PEX14: variants seen among roughly 807,000 people sequenced by gnomAD.
PEX14 encodes the protein peroxisomal membrane protein PEX14.
Under a neutral mutation model 49.5 loss-of-function variants are expected in PEX14, and 15 were observed. The observed-to-expected ratio is 0.30, with a 90% CI of 0.20 to 0.47. PEX14 has a LOEUF of 0.47. Among genes scored for constraint, PEX14 ranks in the 20% least tolerant of loss-of-function variants. The pLI is 1.00. For missense variants in PEX14, 398 were observed against 494.8 expected (o/e 0.80, Z 1.86); for synonymous variants, 210 against 212.7 (o/e 0.99, Z 0.11).
At chr1:10,602,012 T>C (rs1640998525) in intron 4 of PEX14, among the ~76,000 whole-genome samples, 1 of 152,156 alleles carries the variant, frequency 6.6e-6, no homozygotes, top group South Asian at 2.1e-4. Flanking sequence ...GATCACAGAG[T>C]TGGCCTAAAA....
chr1:10,617,425 G>A (rs906351458), intron 4 of PEX14, among the ~76,000 whole-genome samples: 9 of 152,042 alleles, frequency 5.9e-5, no homozygotes, highest in Non-Finnish European at 1.3e-4. Flanking sequence ...AAGAATATTC[G>A]GCTTCCTTGA....
chr1:10,495,193 T>C lies in PEX14; in HGVS notation c.37-81T>C, dbSNP rs140689401. On this transcript the variant is annotated intron_variant, in intron 1 of 8. Coordinates refer to ENST00000356607, the MANE Select transcript of PEX14 (RefSeq NM_004565.3). This position sits in a 1 kb window ranked among gnomAD's most constrained non-coding sequence, Gnocchi z 4.2. ...AGAAAGAGGTGCCAGCGTGCATCGT[T>C]TGAGAACGGAACATCTTTGGTTTTT... 137 of 1,580,878 alleles carry C rather than the reference T, an allele frequency of 8.7e-5. No homozygotes were observed. The East Asian group carries it at 3.0e-3, about 34-fold the overall frequency.
intron 3 of PEX14, among the ~76,000 whole-genome samples, chr1:10,557,274 T>C (rs931304174): frequency 5.3e-5 from 8 of 152,252 alleles, no homozygotes; most frequent in Non-Finnish European, 1.0e-4. Flanking sequence ...CTTTTGTGAT[T>C]ACCTTTGTGG....
At chr1:10,625,189 G>C (rs939989104) in intron 7 of PEX14, among the ~76,000 whole-genome samples, 7 of 152,202 alleles carry the variant, frequency 4.6e-5, no homozygotes, top group African/African-American at 1.7e-4. Flanking sequence ...CAGCTCGCAG[G>C]ATTGCAGGCC....
intron 3 of PEX14, among the ~76,000 whole-genome samples, chr1:10,566,769 G>A (rs961131953): frequency 6.6e-6 from 1 of 151,934 alleles, no homozygotes; most frequent in African/African-American, 2.4e-5. Flanking sequence ...CGCCCGCCTC[G>A]GCCTCCCAAA....
At chr1:10,544,914 A>T (rs1390646976) in intron 3 of PEX14, among the ~76,000 whole-genome samples, 2 of 152,046 alleles carry the variant, frequency 1.3e-5, no homozygotes, top group African/African-American at 4.8e-5. Flanking sequence ...GGCACACGCC[A>T]CCAAACCCGG....
At position 10,529,608 on chromosome 1, in the gene PEX14, A is replaced by G. The variant is rs1422346675; in HGVS notation, c.85-6605A>G. On this transcript the variant is annotated intron_variant, in intron 2 of 8. Transcript: ENST00000356607. This position sits in a 1 kb window ranked among gnomAD's most constrained non-coding sequence, Gnocchi z 4.2. ...AATGGCAGAGATATTTCACTTTGAAAGGTAGTTTTTGTGCATGTGAAGTTG... is the reference window on the plus strand; with the variant it reads ...AATGGCAGAGATATTTCACTTTGAAGGGTAGTTTTTGTGCATGTGAAGTTG... Among the ~76,000 whole-genome samples, 25 of 152,356 alleles carry G rather than the reference A, an allele frequency of 1.6e-4. No homozygotes were observed. Among genetic ancestry groups the G allele is most frequent in the Non-Finnish European group, 4.4e-5 (3 of 68,034 alleles).
At position 10,628,872 on chromosome 1, in the gene PEX14, A is replaced by G. The variant is rs1641824744; in HGVS notation, c.678-659A>G. On this transcript the variant is annotated intron_variant, in intron 8 of 8. Coordinates refer to ENST00000356607, the MANE Select transcript of PEX14 (RefSeq NM_004565.3). This position sits in a 1 kb window ranked among gnomAD's most constrained non-coding sequence, Gnocchi z 4.5. Reference sequence around the variant, plus strand: ...TCTGAGCCGTTGCCAAGTGGACCTGACCTCCCAGGTCCCTCCTGGAATTGG... The same window carrying G: ...TCTGAGCCGTTGCCAAGTGGACCTGGCCTCCCAGGTCCCTCCTGGAATTGG... 6.6e-6 allele frequency among the ~76,000 whole-genome samples: 1 copy of G among 151,798 alleles called. No homozygotes were observed. Among genetic ancestry groups the G allele is most frequent in the Admixed American group, 6.6e-5 (1 of 15,246 alleles).
At chr1:10,618,564 T>G (rs1641498523) in intron 5 of PEX14, 147 bp downstream of exon 5, 4 of 719,802 alleles carry the variant, frequency 5.6e-6, no homozygotes, top group Non-Finnish European at 9.9e-6. Context: ...AGGTCGGGGT[T>G]CACAGCTGGA....
intron 2 of PEX14, among the ~76,000 whole-genome samples, chr1:10,513,228 C>T (rs971367754): frequency 7.6e-6 from 1 of 131,268 alleles, no homozygotes; most frequent in Non-Finnish European, 1.8e-5. Flanking sequence ...TAGGATTCCA[C>T]ATAGAATGCT....
chr1:10,599,381 C>A lies in PEX14; in HGVS notation c.298+15C>A. ...TCAGCCATACAGTAAGTCACCCGCTCAAACTCCTGCTTAACCTTGATTGGG... is the reference window on the plus strand; with the variant it reads ...TCAGCCATACAGTAAGTCACCCGCTAAAACTCCTGCTTAACCTTGATTGGG... On this transcript the variant is annotated intron_variant, in intron 4 of 8. Transcript: ENST00000356607. 6.2e-7 allele frequency: 1 copy of A among 1,614,052 alleles called. No individual in the cohort carries two copies. Among genetic ancestry groups the A allele is most frequent in the South Asian group, 1.1e-5 (1 of 91,056 alleles).
At chr1:10,583,997 A>G (rs541262091) in intron 3 of PEX14, among the ~76,000 whole-genome samples, 29 of 152,206 alleles carry the variant, frequency 1.9e-4, no homozygotes, top group Non-Finnish European at 3.7e-4. Context: ...AGTAAAATGG[A>G]AAATCATCAG....
At chr1:10,581,932 T>G (rs1640333578) in intron 3 of PEX14, among the ~76,000 whole-genome samples, 1 of 151,854 alleles carries the variant, frequency 6.6e-6, no homozygotes, top group African/African-American at 2.4e-5. Flanking sequence ...TTCATTTTAT[T>G]TTTTAATTAT....
intron 3 of PEX14, among the ~76,000 whole-genome samples, chr1:10,548,435 A>G (rs758200355): frequency 3.9e-5 from 6 of 152,332 alleles, no homozygotes; most frequent in South Asian, 2.1e-4. Flanking sequence ...GGCAATCTCT[A>G]CTGAAAAACA....
At chr1:10,535,207 G>A (rs543700531) in intron 2 of PEX14, among the ~76,000 whole-genome samples, 34 of 152,282 alleles carry the variant, frequency 2.2e-4, no homozygotes, top group Admixed American at 7.2e-4. Context: ...GCAGGTGGGC[G>A]TTTCCCATCC....
At chr1:10,510,727 G>A (rs1300035654) in intron 2 of PEX14, among the ~76,000 whole-genome samples, 1 of 152,190 alleles carries the variant, frequency 6.6e-6, no homozygotes, top group African/African-American at 2.4e-5. Flanking sequence ...GTGAGTGTGT[G>A]TGCTCACTTA....
intron 7 of PEX14, among the ~76,000 whole-genome samples, chr1:10,626,804 C>T (rs545598629): frequency 6.6e-6 from 1 of 152,202 alleles, no homozygotes; most frequent in Admixed American, 6.5e-5. Context: ...CCCGTCTATA[C>T]CAGCAAGATT....
chr1:10,562,879 A>T (rs1468411696), intron 3 of PEX14, among the ~76,000 whole-genome samples: 2 of 151,032 alleles, frequency 1.3e-5, no homozygotes, highest in Non-Finnish European at 3.0e-5. Context: ...TATTATGAGG[A>T]TTGCTGAATG....
At chr1:10,496,094 C>T (rs1405512885) in intron 2 of PEX14, among the ~76,000 whole-genome samples, 3 of 152,218 alleles carry the variant, frequency 2.0e-5, no homozygotes, top group African/African-American at 7.2e-5. Flanking sequence ...TTCACCTGTT[C>T]TGCTTCACTC....
Sources: allele counts gnomAD v4.1 joint callset (sites outside exome capture counted in the v4.1 genomes callset), GRCh38; gene constraint gnomAD v4.1.1; non-coding constraint Gnocchi (gnomAD v3.1); transcripts MANE v1.5; gene names NCBI Gene and HGNC (gene_info 2026-07-23, HGNC 2026-07-21).